KAZN: variants seen among roughly 807,000 people sequenced by gnomAD.
KAZN encodes the protein kazrin, periplakin interacting protein.
A neutral mutation model predicts 87.4 loss-of-function variants in KAZN; 40 were observed. The observed-to-expected ratio is 0.46, with a 90% CI of 0.36 to 0.60. The LOEUF (loss-of-function observed/expected upper bound fraction) is 0.60. KAZN is among the 20% of genes least tolerant of loss of function. The pLI is 0.00. For missense variants in KAZN, 898 were observed against 1,073.9 expected (o/e 0.84, Z 2.29); for synonymous variants, 466 against 458.3 (o/e 1.02, Z -0.22).
Position 14,357,933 on chromosome 1 carries a change from C to T in KAZN, c.249+177341C>T, listed in dbSNP as rs138116429. ...GTTTCAATATTGGGATGAAGCTGGC[C>T]TCATTAAATTAGTTAGGGAGAAGTC... On this transcript the variant is annotated intron_variant, in intron 2 of 16. Transcript: ENST00000636203. Among the ~76,000 whole-genome samples, 729 of 152,214 alleles carry T rather than the reference C, an allele frequency of 4.8e-3. 5 individuals carry two copies. The highest frequency in any genetic ancestry group is 7.7e-3 in the Non-Finnish European group (527 of 68,008).
intron 2 of KAZN, among the ~76,000 whole-genome samples, chr1:14,205,452 C>G (rs889514399): frequency 6.6e-6 from 1 of 152,088 alleles, no homozygotes; most frequent in African/African-American, 2.4e-5. Context: ...GTTCCATGCC[C>G]TAGCCTGCAT....
intron 2 of KAZN, among the ~76,000 whole-genome samples, chr1:14,295,638 G>A (rs1654054371): frequency 6.6e-6 from 1 of 151,910 alleles, no homozygotes; most frequent in African/African-American, 2.4e-5. Flanking sequence ...AAACACATAG[G>A]CATGCAGAGA....
intron 1 of KAZN, among the ~76,000 whole-genome samples, chr1:14,156,517 C>A (rs1261480350): frequency 6.6e-6 from 1 of 152,124 alleles, no homozygotes; most frequent in East Asian, 1.9e-4. Context: ...TCTGGGTCCT[C>A]CAGTGTTAGG....
chr1:15,012,465 C>T (rs779269133), intron 2 of KAZN, among the ~76,000 whole-genome samples: 7 of 152,194 alleles, frequency 4.6e-5, no homozygotes, highest in Middle Eastern at 3.2e-3. Flanking sequence ...GTTGATGCAA[C>T]GCCCCACACC....
intron 1 of KAZN, among the ~76,000 whole-genome samples, chr1:14,864,740 G>A (rs1030450167): frequency 6.6e-6 from 1 of 152,130 alleles, no homozygotes; most frequent in African/African-American, 2.4e-5. Flanking sequence ...GCTACCTGCT[G>A]TTGCATTCAG....
intron 1 of KAZN, among the ~76,000 whole-genome samples, chr1:14,669,911 G>A (rs752529019): frequency 2.6e-5 from 4 of 152,130 alleles, no homozygotes; most frequent in Non-Finnish European, 4.4e-5. Context: ...CCTGGGTACC[G>A]CCAATCTATC....
chr1:14,782,908 A>G (rs1645399738), intron 1 of KAZN, among the ~76,000 whole-genome samples: 1 of 152,092 alleles, frequency 6.6e-6, no homozygotes, highest in African/African-American at 2.4e-5. Flanking sequence ...ATTTTTCCTG[A>G]CAGTCCTGCT....
At chr1:14,366,254 G>A (rs1354140792) in intron 2 of KAZN, among the ~76,000 whole-genome samples, 1 of 152,182 alleles carries the variant, frequency 6.6e-6, no homozygotes, top group African/African-American at 2.4e-5. Context: ...GGCTCTTATG[G>A]AACCCTCTGA....
intron 6 of KAZN, 127 bp downstream of exon 6, chr1:15,060,429 A>G: frequency 1.6e-6 from 2 of 1,252,790 alleles, no homozygotes; most frequent in South Asian, 2.7e-5. Flanking sequence ...TGGCGAATGC[A>G]TTTCCTGTTC....
chr1:15,102,620 A>G (rs1171868371), intron 11 of KAZN, among the ~76,000 whole-genome samples: 1 of 152,208 alleles, frequency 6.6e-6, no homozygotes, highest in Non-Finnish European at 1.5e-5. Flanking sequence ...AGAGGGGGCC[A>G]TCCAGCCTTT....
chr1:14,108,115 G>C (rs1047645867), intron 1 of KAZN, among the ~76,000 whole-genome samples: 1 of 152,100 alleles, frequency 6.6e-6, no homozygotes, highest in African/African-American at 2.4e-5. Flanking sequence ...AGCTTGCCGT[G>C]GCCTCCAGGT....
intron 2 of KAZN, among the ~76,000 whole-genome samples, chr1:14,591,101 C>A (rs1009516426): frequency 6.6e-6 from 1 of 152,000 alleles, no homozygotes; most frequent in Non-Finnish European, 1.5e-5. Context: ...GAACACTTGA[C>A]CCTATCCTCT....
chr1:14,222,467 A>G (rs1460721576), intron 2 of KAZN, among the ~76,000 whole-genome samples: 2 of 152,146 alleles, frequency 1.3e-5, no homozygotes, highest in Non-Finnish European at 2.9e-5. Context: ...AAAGGAGTCT[A>G]TGTTTCTGCT....
chr1:15,057,151 G>C (rs1004733064), intron 5 of KAZN, among the ~76,000 whole-genome samples: 5 of 152,172 alleles, frequency 3.3e-5, no homozygotes, highest in Admixed American at 1.3e-4. Flanking sequence ...GGGTACAGAT[G>C]GGGGAGTGTA....
intron 1 of KAZN, among the ~76,000 whole-genome samples, chr1:14,919,396 C>T (rs1400892013): frequency 6.6e-6 from 1 of 152,182 alleles, no homozygotes; most frequent in Non-Finnish European, 1.5e-5. Context: ...AGGCTGGTCT[C>T]GAACGCCTGA....
At chr1:15,058,457 G>A (rs1018872519) in intron 5 of KAZN, among the ~76,000 whole-genome samples, 1 of 152,240 alleles carries the variant, frequency 6.6e-6, no homozygotes. Context: ...CCTGCACATG[G>A]TAGGTGCTTA....
rs1242113602 is a variant in KAZN at position 14,735,306 on chromosome 1, C to T, written c.226+136083C>T. The stretch of plus-strand genomic sequence containing the variant: ...CGATCTCCTGACCTCGTGATCCGCC[C>T]GCCTCGGCCTCCCAAAGTGCTGGGA... On this transcript the variant is annotated intron_variant, in intron 1 of 14. Transcript: ENST00000376030. The surrounding 1 kb of genome is among the most constrained non-coding windows in gnomAD (Gnocchi z 4.3). Among the ~76,000 whole-genome samples, 2 of 152,152 alleles carry T rather than the reference C, an allele frequency of 1.3e-5. No homozygotes were observed. The highest frequency in any genetic ancestry group is 2.4e-5 in the African/African-American group (1 of 41,438).
At chr1:14,788,237 G>A (rs961926473) in intron 1 of KAZN, among the ~76,000 whole-genome samples, 13 of 152,172 alleles carry the variant, frequency 8.5e-5, no homozygotes, top group Middle Eastern at 3.2e-3. Context: ...AGGGATAGGC[G>A]AGTACTGGCT....
intron 1 of KAZN, among the ~76,000 whole-genome samples, chr1:14,665,028 A>T (rs533865268): frequency 6.6e-6 from 1 of 152,280 alleles, no homozygotes; most frequent in Non-Finnish European, 1.5e-5. Flanking sequence ...CAACAGCACA[A>T]ATGATCCTTC....
Sources: allele counts gnomAD v4.1 joint callset (sites outside exome capture counted in the v4.1 genomes callset), GRCh38; gene constraint gnomAD v4.1.1; non-coding constraint Gnocchi (gnomAD v3.1); transcripts MANE v1.5; gene names NCBI Gene and HGNC (gene_info 2026-07-23, HGNC 2026-07-21).